Variants in CASK observed in about 807,000 individuals in gnomAD.
CASK encodes the protein calcium/calmodulin dependent serine protein kinase.
A neutral mutation model predicts 82.9 loss-of-function variants in CASK; 4 were observed. The observed-to-expected ratio is 0.05, with a 90% CI of 0.02 to 0.11. The LOEUF (loss-of-function observed/expected upper bound fraction) is 0.11. Among genes scored for constraint, CASK ranks in the 10% least tolerant of loss-of-function variants. The pLI is 1.00. For synonymous variants in CASK, 259 were observed against 253.5 expected, an observed-to-expected ratio of 1.02 and a Z score of -0.20; for missense variants, 358 against 720.9, an observed-to-expected ratio of 0.50 and a Z score of 5.76.
chrX:41,892,572 T>G (rs2072194054), intron 1 of CASK, among the ~76,000 whole-genome samples: 1 of 111,497 alleles, frequency 9.0e-6, no homozygotes, highest in Non-Finnish European at 1.9e-5. Context: ...TGATCTCAAG[T>G]GATCCACCTG....
chrX:41,834,048 A>C (rs2070881394), intron 2 of CASK, among the ~76,000 whole-genome samples: 1 of 112,181 alleles, frequency 8.9e-6, no homozygotes. Context: ...CACAAAAATT[A>C]CTCTTAATAA....
chrX:41,551,546 C>T lies in CASK; in HGVS notation c.2039+2173G>A, dbSNP rs771832261. Among the ~76,000 whole-genome samples the T allele has an allele frequency of 2.7e-5, 3 of 110,928 alleles. No homozygotes were observed. In the South Asian group the frequency reaches 1.1e-3, roughly 42 times the overall value. ...ACAAATGCCCTGTTTGCAAAATGGG[C>T]CACTTGGTAACTCTGATATTCCACT... On this transcript the variant is annotated intron_variant, in intron 21 of 26. Coordinates refer to ENST00000378163, the MANE Select transcript of CASK (RefSeq NM_001367721.1).
At chrX:41,602,956 G>T (rs1261034976) in intron 12 of CASK, among the ~76,000 whole-genome samples, 1 of 111,101 alleles carries the variant, frequency 9.0e-6, no homozygotes, top group African/African-American at 3.3e-5. Flanking sequence ...GAACAGCAAT[G>T]CGCTTCAGTC....
intron 2 of CASK, among the ~76,000 whole-genome samples, chrX:41,801,974 T>A (rs1252579955): frequency 2.7e-5 from 3 of 111,250 alleles, no homozygotes; most frequent in African/African-American, 9.8e-5. Flanking sequence ...AGAAGATTCT[T>A]CTGTCAAACT....
chrX:41,907,839 G>A (rs1203541185), intron 1 of CASK, among the ~76,000 whole-genome samples: 1 of 111,318 alleles, frequency 9.0e-6, no homozygotes, highest in Non-Finnish European at 1.9e-5. Flanking sequence ...GGGGTAGGGG[G>A]TTCGGGATGA....
chrX:41,653,200 T>C (rs1054065927), intron 8 of CASK, among the ~76,000 whole-genome samples: 2 of 111,935 alleles, frequency 1.8e-5, no homozygotes, highest in Non-Finnish European at 3.8e-5. Flanking sequence ...GTCAGTGAAG[T>C]AGGGTTTGCT....
intron 2 of CASK, among the ~76,000 whole-genome samples, chrX:41,820,022 G>C (rs1055932798): frequency 9.0e-6 from 1 of 111,669 alleles, no homozygotes; most frequent in African/African-American, 3.2e-5. Context: ...CCTAGCTAGG[G>C]CATCAAGGTA....
At position 41,912,300 on chromosome X, in the gene CASK, GT is replaced by G. The variant is rs774775542; in HGVS notation, c.59+10629del. On this transcript the variant is annotated intron_variant, in intron 1 of 26. Transcript: ENST00000378163. ...TGGACAGTTTTTTTGTTTGTTTTCT[GT>G]TTTTTTTTTTTTTTTTTTTTTTTGA... 9.3e-3 allele frequency among the ~76,000 whole-genome samples: 493 copies of G among 53,167 alleles called. 1 individual carries two copies. The highest frequency in any genetic ancestry group is 0.021 in the South Asian group (18 of 858). 46.2% of individuals were successfully genotyped at this position (53,167 alleles called of 115,157 possible). A position where few individuals can be genotyped will look rare whatever the true frequency, so the allele number is the denominator to read the frequency against.
chrX:41,718,273 A>G (rs1357910955), intron 5 of CASK, among the ~76,000 whole-genome samples: 1 of 113,130 alleles, frequency 8.8e-6, no homozygotes, highest in Non-Finnish European at 1.9e-5. Flanking sequence ...CCTTTGTAAT[A>G]TACTTTATAA....
At position 41,516,102 on chromosome X, in the gene CASK, G is replaced by A. The variant is rs1303329647; in HGVS notation, c.*4318C>T. ...TAGGAGTGCTGGCCCCAGAGATGGT[G>A]CGGCCCTCTTTCTACTTCTGTTTCT... On this transcript the variant is annotated 3_prime_UTR_variant, in exon 27 of 27. Transcript: ENST00000378163. 8.9e-6 allele frequency: 1 copy of A among 112,625 alleles called. No homozygotes were observed. The highest frequency in any genetic ancestry group is 1.9e-5 in the Non-Finnish European group (1 of 53,334). 9.3% of individuals were successfully genotyped at this position (112,625 alleles called of 1,213,427 possible).
Position 41,640,684 on chromosome X carries a change from T to C in CASK, c.832-4023A>G, listed in dbSNP as rs2066632933. 3.6e-5 allele frequency among the ~76,000 whole-genome samples: 4 copies of C among 111,865 alleles called. No individual in the cohort carries two copies. The Admixed American group carries it at 3.8e-4, about 11-fold the overall frequency. ...TTATCTTCTTTGTTGAAGTATCTGT[T>C]CAAATCTTTTCTCATTTTGAATTGG... is the stretch of plus-strand genomic sequence containing the variant. On this transcript the variant is annotated intron_variant, in intron 8 of 26. Transcript: ENST00000378163.
chrX:41,766,303 G>C (rs2069115425), intron 3 of CASK, among the ~76,000 whole-genome samples: 1 of 111,593 alleles, frequency 9.0e-6, no homozygotes, highest in African/African-American at 3.3e-5. Context: ...TAAACTAGTA[G>C]GATGAAGCAA....
rs73470593 is a variant in CASK, at chrX:41,710,672, A to G, written c.429+28712T>C. On this transcript the variant is annotated intron_variant, in intron 5 of 26. Transcript: ENST00000378163. The stretch of plus-strand genomic sequence containing the variant: ...ATGTCTTTTTGTATGCTAATGGTTG[A>G]CTGATGGCTGGAACCCTTAGGTAGT... Among the ~76,000 whole-genome samples the G allele has an allele frequency of 4.3e-3, 477 of 112,142 alleles. 1 individual carries two copies. The highest frequency in any genetic ancestry group is 0.015 in the African/African-American group (460 of 30,837).
chrX:41,720,136 A>G (rs2068138732), intron 5 of CASK, among the ~76,000 whole-genome samples: 1 of 113,270 alleles, frequency 8.8e-6, no homozygotes, highest in Non-Finnish European at 1.9e-5. Context: ...TTCAGACTGT[A>G]TTTTCTGCTG....
At chrX:41,815,946 C>T (rs886097169) in intron 2 of CASK, among the ~76,000 whole-genome samples, 4 of 110,826 alleles carry the variant, frequency 3.6e-5, no homozygotes, top group Non-Finnish European at 5.7e-5. Context: ...CTGCAACCTC[C>T]GCCTCCCACA....
intron 26 of CASK, 112 bp downstream of exon 26, chrX:41,523,839 C>T (rs2064671632): frequency 1.3e-5 from 8 of 595,068 alleles, no homozygotes; most frequent in Admixed American, 2.7e-5. Context: ...TTCCACATCC[C>T]ATTTCATCAG....
chrX:41,901,751 T>C (rs2148067602), intron 1 of CASK, among the ~76,000 whole-genome samples: 1 of 111,743 alleles, frequency 8.9e-6, no homozygotes, highest in Non-Finnish European at 1.9e-5. Context: ...GGTAAGCCTG[T>C]CAAGCCTGTC....
intron 12 of CASK, among the ~76,000 whole-genome samples, chrX:41,597,120 G>A (rs1044988988): frequency 3.6e-5 from 4 of 111,639 alleles, no homozygotes; most frequent in African/African-American, 1.3e-4. Flanking sequence ...CCTGTGTTTT[G>A]CTCATAGTTT....
intron 1 of CASK, among the ~76,000 whole-genome samples, chrX:41,887,296 C>CCACA (rs3055225): frequency 0.075 from 6,235 of 83,418 alleles, 272 homozygotes; most frequent in Non-Finnish European, 0.1. Context: ...CTAGTTGAGT[C>CCACA]CACACACACA....
Sources: allele counts gnomAD v4.1 joint callset (sites outside exome capture counted in the v4.1 genomes callset), GRCh38; gene constraint gnomAD v4.1.1; transcripts MANE v1.5; gene names NCBI Gene and HGNC (gene_info 2026-07-23, HGNC 2026-07-21).